The following ATP2A2 variants were observed in gnomAD, a reference collection of about 807,000 sequenced individuals.
The protein encoded by ATP2A2 is ATPase sarcoplasmic/endoplasmic reticulum Ca2+ transporting 2, also known as sarcoplasmic/endoplasmic reticulum calcium ATPase 2.
Under a neutral mutation model 109.3 loss-of-function variants are expected in ATP2A2, and 14 were observed. The ratio of observed to expected loss-of-function variants is 0.13; its 90% CI spans 0.08 to 0.20. The LOEUF is 0.20. ATP2A2 is among the 10% of genes least tolerant of loss of function. ATP2A2 has a pLI of 1.00. For missense variants in ATP2A2, 657 were observed against 1,321.6 expected (o/e 0.50, Z 7.80); for synonymous variants, 506 against 490.9 (o/e 1.03, Z -0.41).
Position 110,346,752 on chromosome 12 carries a change from C to CCTG in ATP2A2, c.*282_*283insCTG. 5.6e-6 allele frequency: 7 copies of CCTG among 1,251,926 alleles called. No individual in the cohort carries two copies. The highest frequency in any genetic ancestry group is 3.7e-5 in the South Asian group (2 of 54,226). 77.6% of individuals were successfully genotyped at this position (1,251,926 alleles called of 1,614,324 possible). On this transcript the variant is annotated 3_prime_UTR_variant, in exon 20 of 20. Coordinates refer to ENST00000539276, the MANE Select transcript of ATP2A2 (RefSeq NM_170665.4). ...AGCATGTACAGTGTTCTGTTTAATA[C>CCTG]TCATCCTTGTATAAAAAAAATAGTT...
At position 110,281,701 on chromosome 12, in the gene ATP2A2, CG is replaced by C. The variant is rs1872102687; in HGVS notation, c.-85del. 3.3e-6 allele frequency: 3 copies of C among 913,588 alleles called. No homozygotes were observed. The highest frequency in any genetic ancestry group is 8.4e-5 in the Admixed American group (2 of 23,714). The allele number at this position is 913,588 out of a possible 1,614,324, so 56.6% of individuals were successfully genotyped here. A position where few individuals can be genotyped will look rare whatever the true frequency, so the allele number is the denominator to read the frequency against. ...GAGAGCCCGTCCGCGCCTGGGCTCC[CG>C]GGGTGGCACGAGCCCGCGGCCGGAG... On this transcript the variant is annotated 5_prime_UTR_variant, in exon 1 of 20. Coordinates refer to ENST00000539276, the MANE Select transcript of ATP2A2 (RefSeq NM_170665.4).
Position 110,347,712 on chromosome 12 carries a change from T to A in ATP2A2, c.*1242T>A. ...AATGTTTGCGCATGTTCGAGATGAG[T>A]CTCACCAACAGTGTGTAAGTCATTA... On this transcript the variant is annotated 3_prime_UTR_variant, in exon 20 of 20. Transcript: ENST00000539276. 1.7e-6 allele frequency: 2 copies of A among 1,165,014 alleles called. No homozygotes were observed. Among genetic ancestry groups the A allele is most frequent in the Non-Finnish European group, 2.2e-6 (2 of 929,682 alleles). The allele number at this position is 1,165,014 out of a possible 1,614,324, so 72.2% of individuals were successfully genotyped here. A position where few individuals can be genotyped will look rare whatever the true frequency, so the allele number is the denominator to read the frequency against.
At chr12:110,334,607 GAGAC>G in intron 11 of ATP2A2, among the ~76,000 whole-genome samples, 1 of 27,034 alleles carries the variant, frequency 3.7e-5, no homozygotes, top group East Asian at 1.1e-3. Context: ...TTTTTTTTTT[GAGAC>G]AGAGTTTCTC....
Position 110,350,639 on chromosome 12 carries a change from A to G in ATP2A2, c.*4169A>G. ...AGCCAAGTCGCCACATTTCTCTGCAAAATGTCATAGCTTATATAAATGTAC... is the reference window on the plus strand; with the variant it reads ...AGCCAAGTCGCCACATTTCTCTGCAGAATGTCATAGCTTATATAAATGTAC... On this transcript the variant is annotated 3_prime_UTR_variant, in exon 20 of 20. Coordinates refer to ENST00000539276, the MANE Select transcript of ATP2A2 (RefSeq NM_170665.4). The G allele has an allele frequency of 2.3e-6, 1 of 427,500 alleles. No homozygotes were observed. The highest frequency in any genetic ancestry group is 4.3e-6 in the Non-Finnish European group (1 of 233,936). The allele number at this position is 427,500 out of a possible 1,614,324, so 26.5% of individuals were successfully genotyped here.
chr12:110,309,402 C>A (rs972275807), intron 5 of ATP2A2, among the ~76,000 whole-genome samples: 28 of 151,746 alleles, frequency 1.8e-4, no homozygotes, highest in African/African-American at 5.3e-4. Context: ...AAGTGATCCG[C>A]CCGCCTCAGC....
intron 5 of ATP2A2, 45 bp downstream of exon 5, chr12:110,296,782 T>TGAATG (rs1279802595): frequency 1.3e-6 from 2 of 1,594,784 alleles, no homozygotes; most frequent in Non-Finnish European, 1.7e-6. Context: ...ATAGTATTTC[T>TGAATG]GAATGTAGTC....
Position 110,349,070 on chromosome 12 carries a change from G to C in ATP2A2, c.*2600G>C, listed in dbSNP as rs1592873801. 1.0e-6 allele frequency: 1 copy of C among 985,456 alleles called. No individual in the cohort carries two copies. Among genetic ancestry groups the C allele is most frequent in the East Asian group, 1.1e-4 (1 of 8,806 alleles). The allele number at this position is 985,456 out of a possible 1,614,324, so 61.0% of individuals were successfully genotyped here. A position where few individuals can be genotyped will look rare whatever the true frequency, so the allele number is the denominator to read the frequency against. ...GCTTCAGACCCCTCCAGCCCACAGA[G>C]GAGCCCATGGAGGGACCCACTTCCC... is the stretch of plus-strand genomic sequence containing the variant. On this transcript the variant is annotated 3_prime_UTR_variant, in exon 20 of 20. Coordinates refer to ENST00000539276, the MANE Select transcript of ATP2A2 (RefSeq NM_170665.4).
chr12:110,332,260 C>A, intron 8 of ATP2A2: 1 of 353,780 alleles, frequency 2.8e-6, no homozygotes, highest in South Asian at 2.5e-5. Flanking sequence ...TGGAACTGAC[C>A]TTTTGCTGAC....
intron 5 of ATP2A2, among the ~76,000 whole-genome samples, chr12:110,313,705 CTTTTTTTTT>C (rs137984643): frequency 8.9e-6 from 1 of 111,904 alleles, no homozygotes; most frequent in Admixed American, 9.8e-5. Flanking sequence ...GATAATGGAA[CTTTTTTTTT>C]TTTTTTTTTT....
At chr12:110,281,055 G>A (rs1871997103), upstream of ATP2A2, 1 of 151,158 alleles carries the variant, frequency 6.6e-6, no homozygotes, top group Admixed American at 6.6e-5. Flanking sequence ...GCCTCGATCC[G>A]GGTTCCTAGG....
Position 110,343,003 on chromosome 12 carries a change from G to T in ATP2A2, c.2319-229G>T, listed in dbSNP as rs560972242. Among the ~76,000 whole-genome samples the T allele has an allele frequency of 7.9e-5, 12 of 152,282 alleles. No homozygotes were observed. The South Asian group carries it at 2.3e-3, about 29-fold the overall frequency. On this transcript the variant is annotated intron_variant, in intron 15 of 19. Coordinates refer to ENST00000539276, the MANE Select transcript of ATP2A2 (RefSeq NM_170665.4). ...AGTCTGCCCACCTTGGCTTCCCAAAGTGCTGGGATTACAGGCATAAGCCAC... is the reference window on the plus strand; with the variant it reads ...AGTCTGCCCACCTTGGCTTCCCAAATTGCTGGGATTACAGGCATAAGCCAC...
At chr12:110,289,497 G>A (rs1284845251) in intron 3 of ATP2A2, among the ~76,000 whole-genome samples, 1 of 152,138 alleles carries the variant, frequency 6.6e-6, no homozygotes, top group African/African-American at 2.4e-5. Context: ...GTTTGCCCTA[G>A]CTCACTGGAC....
At chr12:110,326,698 A>G (rs1877837421) in intron 7 of ATP2A2, among the ~76,000 whole-genome samples, 1 of 152,196 alleles carries the variant, frequency 6.6e-6, no homozygotes, top group African/African-American at 2.4e-5. Context: ...TAGCTTATAC[A>G]TCTTCAAACT....
chr12:110,336,818 A>G (rs757725081), intron 11 of ATP2A2, among the ~76,000 whole-genome samples: 2 of 152,118 alleles, frequency 1.3e-5, no homozygotes, highest in Admixed American at 6.5e-5. Flanking sequence ...CCCTCTACCC[A>G]TGTGTCTTCC....
Position 110,334,179 on chromosome 12 carries a change from TTATCAGTCGTAC to T in ATP2A2, c.1419+40_1419+51del, listed in dbSNP as rs768358383. ...GAACCTGGTTTATTGTTCATGCTGC[TTATCAGTCGTAC>T]TATATATACTTAGTGTCTGCACTGT... is the stretch of plus-strand genomic sequence containing the variant. On this transcript the variant is annotated intron_variant, in intron 11 of 19. Transcript: ENST00000539276. The T allele has an allele frequency of 5.9e-5, 95 of 1,611,680 alleles. 1 individual carries two copies. In the South Asian group the frequency reaches 7.1e-4, roughly 12 times the overall value.
intron 11 of ATP2A2, among the ~76,000 whole-genome samples, chr12:110,337,770 C>T (rs894148650): frequency 2.6e-5 from 4 of 152,166 alleles, no homozygotes; most frequent in African/African-American, 9.7e-5. Flanking sequence ...TATGATGAAA[C>T]GCATCTTATC....
chr12:110,349,026 T>G lies in ATP2A2; in HGVS notation c.*2556T>G. 1 of 985,352 alleles carries G rather than the reference T, an allele frequency of 1.0e-6. No individual in the cohort carries two copies. Among genetic ancestry groups the G allele is most frequent in the Non-Finnish European group, 1.2e-6 (1 of 829,890 alleles). 61.0% of individuals were successfully genotyped at this position (985,352 alleles called of 1,614,324 possible). A position where few individuals can be genotyped will look rare whatever the true frequency, so the allele number is the denominator to read the frequency against. ...TGGCCTGCTGTCGCACAGCCCCTAG[T>G]TAGCTTCATGGTTTCTCAGCTTCAG... On this transcript the variant is annotated 3_prime_UTR_variant, in exon 20 of 20. Coordinates refer to ENST00000539276, the MANE Select transcript of ATP2A2 (RefSeq NM_170665.4).
rs372102705 is a variant in ATP2A2 at position 110,346,056 on chromosome 12, G to A, written c.2797G>A (p.Val933Met). Residue 933 changes from valine (V) to methionine (M), a missense_variant, in exon 19 of 20, where the codon GTG becomes ATG. By Grantham distance (21) the Val-to-Met change is conservative. Coordinates refer to ENST00000539276, the MANE Select transcript of ATP2A2 (RefSeq NM_170665.4). Reference sequence around the variant, plus strand: ...GCCCCCCTGGGAGAACATCTGGCTCGTGGGCTCCATCTGCCTGTCCATGTC... The same window carrying A: ...GCCCCCCTGGGAGAACATCTGGCTCATGGGCTCCATCTGCCTGTCCATGTC... ...RMPPWENIWL[V>M]GSICLSMSLH... 95 of 1,614,044 alleles carry A rather than the reference G, an allele frequency of 5.9e-5. No homozygotes were observed. Among genetic ancestry groups the A allele is most frequent in the Middle Eastern group, 1.6e-4 (1 of 6,084 alleles).
At chr12:110,333,398 GTTTCCCCCTTCCA>G in intron 10 of ATP2A2, 115 bp downstream of exon 10, 1 of 998,754 alleles carries the variant, frequency 1.0e-6, no homozygotes, top group Admixed American at 1.8e-5. Flanking sequence ...GCCTGATTTT[GTTTCCCCCTTCCA>G]TTCAGAACCT....
Sources: gnomAD v4.1 joint callset for allele counts (sites outside exome capture counted in the v4.1 genomes callset) on GRCh38, gnomAD v4.1.1 for gene constraint, MANE v1.5 for transcripts, NCBI Gene and HGNC (gene_info 2026-07-23, HGNC 2026-07-21) for gene names.